Variants in PGCKA1 observed in about 807,000 individuals in gnomAD.
PGCKA1 encodes PDCD10 and GCKIII kinases associated 1.
chr4:37,528,200 G>C, the PGCKA1 span, among the ~76,000 whole-genome samples: 1 of 152,168 alleles, frequency 6.6e-6, no homozygotes, highest in Admixed American at 6.5e-5. Flanking sequence ...AATACTAATA[G>C]TTGAAAAGTA....
chr4:37,533,582 A>G, the PGCKA1 span, among the ~76,000 whole-genome samples: 1 of 152,234 alleles, frequency 6.6e-6, no homozygotes, highest in Non-Finnish European at 1.5e-5. Flanking sequence ...AATTCCAAGA[A>G]CAGCCCTCCT....
At chr4:37,558,887 A>G in the PGCKA1 span, among the ~76,000 whole-genome samples, 1 of 135,738 alleles carries the variant, frequency 7.4e-6, no homozygotes, top group Non-Finnish European at 1.6e-5. Context: ...AATCAAAATC[A>G]CAATGAGATA....
At chr4:37,515,685 A>C in the PGCKA1 span, among the ~76,000 whole-genome samples, 1 of 152,184 alleles carries the variant, frequency 6.6e-6, no homozygotes, top group Non-Finnish European at 1.5e-5. Flanking sequence ...AGTTTGAAAA[A>C]CACTGTCCTG....
the PGCKA1 span, among the ~76,000 whole-genome samples, chr4:37,457,647 G>A: frequency 6.6e-6 from 1 of 152,144 alleles, no homozygotes; most frequent in Non-Finnish European, 1.5e-5. Flanking sequence ...ATTTGATTCT[G>A]TATAGCTGTG....
chr4:37,572,895 T>A, the PGCKA1 span, among the ~76,000 whole-genome samples: 52 of 152,358 alleles, frequency 3.4e-4, no homozygotes, highest in African/African-American at 1.2e-3. Context: ...GATTTTGGAT[T>A]TTTGGATTTC....
At chr4:37,559,807 TG>T in the PGCKA1 span, among the ~76,000 whole-genome samples, 1 of 152,134 alleles carries the variant, frequency 6.6e-6, no homozygotes, top group African/African-American at 2.4e-5. Context: ...TGTCCGAACT[TG>T]CATTATAATC....
the PGCKA1 span, among the ~76,000 whole-genome samples, chr4:37,468,811 TA>T: frequency 2.0e-5 from 3 of 152,168 alleles, no homozygotes; most frequent in Non-Finnish European, 4.4e-5. Context: ...TCTTTTCCAA[TA>T]GTTAATTCTG....
chr4:37,484,871 A>G, the PGCKA1 span, among the ~76,000 whole-genome samples: 1 of 152,204 alleles, frequency 6.6e-6, no homozygotes, highest in Admixed American at 6.5e-5. Flanking sequence ...AACTGTGAGG[A>G]ATAAATTTGT....
chr4:37,585,878 T>C, the PGCKA1 span, among the ~76,000 whole-genome samples: 2 of 151,946 alleles, frequency 1.3e-5, no homozygotes, highest in Non-Finnish European at 2.9e-5. Context: ...ACTTGGGGTT[T>C]TCTATCTTTC....
the PGCKA1 span, among the ~76,000 whole-genome samples, chr4:37,465,661 CAG>C: frequency 2.0e-5 from 3 of 152,126 alleles, no homozygotes; most frequent in Non-Finnish European, 4.4e-5. Context: ...AGGTCCCTCT[CAG>C]TGGATGTTAA....
At chr4:37,483,028 C>G in the PGCKA1 span, among the ~76,000 whole-genome samples, 9 of 152,252 alleles carry the variant, frequency 5.9e-5, no homozygotes, top group African/African-American at 2.2e-4. Flanking sequence ...TTGTAGTTCC[C>G]ATAATCCCCA....
chr4:37,528,741 A>G, the PGCKA1 span, among the ~76,000 whole-genome samples: 1 of 152,256 alleles, frequency 6.6e-6, no homozygotes, highest in Non-Finnish European at 1.5e-5. Flanking sequence ...TTCAAGGGTT[A>G]AAGTAGGAAG....
chr4:37,496,547 G>A, the PGCKA1 span, among the ~76,000 whole-genome samples: 1 of 152,180 alleles, frequency 6.6e-6, no homozygotes, highest in East Asian at 1.9e-4. Flanking sequence ...GATTCCTCCA[G>A]GTTTGTTCTT....
the PGCKA1 span, among the ~76,000 whole-genome samples, chr4:37,512,881 G>A: frequency 1.3e-5 from 2 of 152,088 alleles, no homozygotes; most frequent in African/African-American, 4.8e-5. Context: ...CTGAGGTCGG[G>A]AGTTCGAGAC....
the PGCKA1 span, among the ~76,000 whole-genome samples, chr4:37,578,416 T>C: frequency 0.016 from 2,466 of 152,312 alleles, 117 homozygotes; most frequent in East Asian, 0.13. Context: ...TTTCTATGTC[T>C]TTATTTTCAG....
At chr4:37,474,418 C>T in the PGCKA1 span, among the ~76,000 whole-genome samples, 2 of 152,170 alleles carry the variant, frequency 1.3e-5, no homozygotes, top group African/African-American at 4.8e-5. Flanking sequence ...CAGCACAAAG[C>T]AGGCTAAGAC....
At chr4:37,512,578 C>T in the PGCKA1 span, among the ~76,000 whole-genome samples, 77,667 of 151,122 alleles carry the variant, frequency 0.51, 20,340 homozygotes, top group African/African-American at 0.6. Flanking sequence ...CTCATCCTCC[C>T]GAATAGCTGG....
At chr4:37,576,728 C>T in the PGCKA1 span, among the ~76,000 whole-genome samples, 2 of 152,068 alleles carry the variant, frequency 1.3e-5, no homozygotes, top group African/African-American at 2.4e-5. Context: ...TCATATATGG[C>T]TTTTATTATG....
At chr4:37,512,610 G>C in the PGCKA1 span, among the ~76,000 whole-genome samples, 1 of 151,818 alleles carries the variant, frequency 6.6e-6, no homozygotes, top group South Asian at 2.1e-4. Flanking sequence ...CGGGCCACTA[G>C]GCCTAGCTAA....
Sources: gnomAD v4.1 joint callset for allele counts (sites outside exome capture counted in the v4.1 genomes callset) on GRCh38, gnomAD v4.1.1 for gene constraint, MANE v1.5 for transcripts, NCBI Gene and HGNC (gene_info 2026-07-23, HGNC 2026-07-21) for gene names.